The following ABCF1 variants were observed in gnomAD, a reference collection of about 807,000 sequenced individuals.
ABCF1 encodes the protein ATP-binding cassette sub-family F member 1.
A neutral mutation model predicts 126.3 loss-of-function variants in ABCF1; 73 were observed. The observed-to-expected ratio is 0.58, with a 90% CI of 0.48 to 0.70. ABCF1 has a LOEUF of 0.70. Ranked by LOEUF, ABCF1 falls within the 30% of genes least tolerant of loss-of-function variation. ABCF1 has a pLI of 0.00. For missense variants in ABCF1, 786 were observed against 1,057.5 expected (o/e 0.74, Z 3.56); for synonymous variants, 345 against 396.4 (o/e 0.87, Z 1.54).
At chr6:30,576,274 C>CT (rs1235123074) in intron 1 of ABCF1, among the ~76,000 whole-genome samples, 1 of 67,094 alleles carries the variant, frequency 1.5e-5, no homozygotes, top group Non-Finnish European at 2.8e-5. Context: ...TCTCTGAGTG[C>CT]TCTTTTTTTT....
At chr6:30,580,370 A>G in intron 7 of ABCF1, 36 bp from the exon 8 acceptor site, 1 of 1,389,548 alleles carries the variant, frequency 7.2e-7, no homozygotes, top group Non-Finnish European at 9.6e-7. Context: ...GAAAAAAAAA[A>G]AAAACATTTC....
Position 30,579,955 on chromosome 6 carries a change from G to A in ABCF1, c.514G>A (p.Ala172Thr). Reference protein sequence around the residue: ...NKAVSEEQQPALKGKKGKEEK... With the variant: ...NKAVSEEQQPTLKGKKGKEEK... ...GGCCGTATCTGAGGAACAGCAGCCTGCACTCAAGGGCAAAAAGGGAAAGGA... is the reference window on the plus strand; with the variant it reads ...GGCCGTATCTGAGGAACAGCAGCCTACACTCAAGGGCAAAAAGGGAAAGGA... Residue 172 changes from alanine to threonine, a missense_variant, in exon 7 of 25, where the codon GCA becomes ACA. Around this residue, in one of 4 missense-constraint regions of ABCF1, gnomAD observed 322 missense variants for 322.9 expected, o/e 1.00. Transcript: ENST00000326195. 1 of 1,612,860 alleles carries A rather than the reference G, an allele frequency of 6.2e-7. No homozygotes were observed. Among genetic ancestry groups the A allele is most frequent in the Non-Finnish European group, 8.5e-7 (1 of 1,179,940 alleles).
chr6:30,583,912 G>C lies in ABCF1; in HGVS notation c.1102+22G>C, dbSNP rs1325023241. On this transcript the variant is annotated intron_variant, in intron 12 of 24. Transcript: ENST00000326195. The surrounding 1 kb of genome is among the most constrained non-coding windows in gnomAD (Gnocchi z 4.1). ...CAGGGTGAGACCACTGGGGAGAAAAGGGGCTTGGTGGGGTGGGCAGTTGGG... is the reference window on the plus strand; with the variant it reads ...CAGGGTGAGACCACTGGGGAGAAAACGGGCTTGGTGGGGTGGGCAGTTGGG... The C allele has an allele frequency of 1.2e-6, 2 of 1,610,530 alleles. No individual in the cohort carries two copies. The highest frequency in any genetic ancestry group is 1.7e-5 in the Admixed American group (1 of 59,952).
At chr6:30,581,674 A>G (rs1256236496) in intron 8 of ABCF1, among the ~76,000 whole-genome samples, 1 of 151,924 alleles carries the variant, frequency 6.6e-6, no homozygotes, top group African/African-American at 2.4e-5. Flanking sequence ...AAGTGCTGGG[A>G]TTACAGACAT....
chr6:30,590,593 G>T lies in ABCF1; in HGVS notation c.2430G>T (p.Trp810Cys), dbSNP rs1802396668. The T allele has an allele frequency of 6.2e-7, 1 of 1,612,922 alleles. No individual in the cohort carries two copies. The highest frequency in any genetic ancestry group is 1.3e-5 in the African/African-American group (1 of 74,920). ...TCACAGAAACCAATTGCCAGCTGTG[G>T]GTGGTGGAGGAGCAGAGTGTTAGCC... ...RLITETNCQL[W>C]VVEEQSVSQI... The change falls in exon 25 of 25, where the codon TGG (tryptophan) becomes TGT (cysteine). Residue 810 changes from tryptophan (W) to cysteine (C), a missense_variant. Transcript: ENST00000326195.
In ABCF1 at chr6:30,586,963, T is replaced by C. The variant is rs748201236; in HGVS notation, c.2031+252T>C. ...TTGGTTATACAAGAAATATATGTCT[T>C]TTATAGAACGATTAAAAATTGCATA... On this transcript the variant is annotated intron_variant, in intron 20 of 24. Coordinates refer to ENST00000326195, the MANE Select transcript of ABCF1 (RefSeq NM_001025091.2). This position sits in a 1 kb window ranked among gnomAD's most constrained non-coding sequence, Gnocchi z 4.9. 2.6e-5 allele frequency among the ~76,000 whole-genome samples: 4 copies of C among 152,094 alleles called. No individual in the cohort carries two copies. Among genetic ancestry groups the C allele is most frequent in the Non-Finnish European group, 4.4e-5 (3 of 68,004 alleles).
chr6:30,573,897 A>G (rs1801371762), intron 1 of ABCF1, among the ~76,000 whole-genome samples: 1 of 152,232 alleles, frequency 6.6e-6, no homozygotes, highest in South Asian at 2.1e-4. Context: ...CCCAATGAGG[A>G]CAAGAATACG....
chr6:30,589,634 C>T (rs1184531128), intron 20 of ABCF1, 54 bp from the exon 21 acceptor site: 3 of 1,581,608 alleles, frequency 1.9e-6, no homozygotes, highest in Non-Finnish European at 2.6e-6. Flanking sequence ...ATGTATGGAG[C>T]TGCAGCACCT....
Position 30,589,955 on chromosome 6 carries a change from C to T in ABCF1, c.2214C>T (p.Ile738=). 2.5e-6 allele frequency: 4 copies of T among 1,613,570 alleles called. No homozygotes were observed. The highest frequency in any genetic ancestry group is 3.4e-6 in the Non-Finnish European group (4 of 1,180,040). ...GCCTGGAGAGTCACGCCCACACCAT[C>T]CAGATCTGCAAACTCTCTGGTACCA... ...RFGLESHAHT[I]QICKLSGGQK... is the part of the protein sequence containing the mutation. The change falls in exon 22 of 25, where the codon ATC becomes ATT. Residue 738 remains isoleucine (I), a synonymous_variant. Coordinates refer to ENST00000326195, the MANE Select transcript of ABCF1 (RefSeq NM_001025091.2).
At chr6:30,582,053 T>G (rs1801842072) in intron 8 of ABCF1, among the ~76,000 whole-genome samples, 1 of 151,682 alleles carries the variant, frequency 6.6e-6, no homozygotes. Flanking sequence ...GTCCCTAGTT[T>G]TTTTTTGTTG....
chr6:30,584,168 G>A lies in ABCF1; in HGVS notation c.1103-24G>A, dbSNP rs1801983236. ...AGACTCTTGGCTCTTGAGGCTGCCT[G>A]ACTGTTCTCCCTCTGCCTCCCAGAG... is the stretch of plus-strand genomic sequence containing the variant. On this transcript the variant is annotated intron_variant, in intron 12 of 24. Coordinates refer to ENST00000326195, the MANE Select transcript of ABCF1 (RefSeq NM_001025091.2). The surrounding 1 kb of genome is among the most constrained non-coding windows in gnomAD (Gnocchi z 4.6). 1 of 1,601,928 alleles carries A rather than the reference G, an allele frequency of 6.2e-7. No homozygotes were observed. The highest frequency in any genetic ancestry group is 1.1e-5 in the South Asian group (1 of 90,104).
In ABCF1 at chr6:30,586,356, T is replaced by C. The variant is rs372684893; in HGVS notation, c.1885+51T>C. The C allele has an allele frequency of 2.4e-5, 39 of 1,601,960 alleles. No individual in the cohort carries two copies. Among genetic ancestry groups the C allele is most frequent in the Non-Finnish European group, 3.2e-5 (38 of 1,173,168 alleles). ...CCACAGGAAGCACCGGAAGCATGTATGTGCACCCTAAATTCTCCACCAAGG... is the reference window on the plus strand; with the variant it reads ...CCACAGGAAGCACCGGAAGCATGTACGTGCACCCTAAATTCTCCACCAAGG... On this transcript the variant is annotated intron_variant, in intron 18 of 24. Coordinates refer to ENST00000326195, the MANE Select transcript of ABCF1 (RefSeq NM_001025091.2). The surrounding 1 kb of genome is among the most constrained non-coding windows in gnomAD (Gnocchi z 4.9).
chr6:30,584,243 C>G lies in ABCF1; in HGVS notation c.1154C>G (p.Thr385Ser). The change falls in exon 13 of 25, where the codon ACC (threonine) becomes AGC (serine). Residue 385 changes from threonine (T) to serine (S), a missense_variant. By Grantham distance (58) the Thr-to-Ser change is moderately conservative. Transcript: ENST00000326195. The surrounding 1 kb of genome is among the most constrained non-coding windows in gnomAD (Gnocchi z 4.6). ...GTCCAGGCTGTTCTTCGAGCTGACA[C>G]CAAGCGATTGAAGCTGCTGGAAGAG... ...PAVQAVLRAD[T>S]KRLKLLEEER... The G allele has an allele frequency of 6.2e-7, 1 of 1,613,076 alleles. No homozygotes were observed. The highest frequency in any genetic ancestry group is 8.5e-7 in the Non-Finnish European group (1 of 1,180,032).
chr6:30,585,129 C>T (rs1055786662), intron 14 of ABCF1, 131 bp from the exon 15 acceptor site: 11 of 839,706 alleles, frequency 1.3e-5, no homozygotes, highest in African/African-American at 5.0e-5. Context: ...GTATCCTGCC[C>T]GAGAACTTCT....
intron 16 of ABCF1, 65 bp from the exon 17 acceptor site, chr6:30,585,814 C>T: frequency 1.3e-6 from 2 of 1,550,138 alleles, no homozygotes; most frequent in East Asian, 2.3e-5. Flanking sequence ...CACCACCAGT[C>T]CCTGGTTGTC....
chr6:30,572,986 G>A (rs759419142), intron 1 of ABCF1, among the ~76,000 whole-genome samples: 2 of 152,196 alleles, frequency 1.3e-5, no homozygotes, highest in Admixed American at 6.5e-5. Flanking sequence ...ATGCCATTCC[G>A]AGGAGTTTAA....
chr6:30,581,308 C>T (rs1422530292), intron 8 of ABCF1, among the ~76,000 whole-genome samples: 1 of 151,798 alleles, frequency 6.6e-6, no homozygotes, highest in Admixed American at 6.6e-5. Flanking sequence ...AAGGAGGAGT[C>T]CGGAGATCTC....
chr6:30,585,508 C>A, intron 15 of ABCF1, 50 bp from the exon 16 acceptor site: 1 of 1,611,334 alleles, frequency 6.2e-7, no homozygotes, highest in Non-Finnish European at 8.5e-7. Context: ...CCTCTGAATT[C>A]TCTCTCACTT....
intron 8 of ABCF1, among the ~76,000 whole-genome samples, chr6:30,581,036 A>G (rs1479225817): frequency 6.6e-6 from 1 of 151,864 alleles, no homozygotes; most frequent in Non-Finnish European, 1.5e-5. Context: ...GCCACATACA[A>G]TCTCTATCAC....
Sources: allele counts gnomAD v4.1 joint callset (sites outside exome capture counted in the v4.1 genomes callset), GRCh38; gene constraint gnomAD v4.1.1; regional missense constraint gnomAD v4.1.1; non-coding constraint Gnocchi (gnomAD v3.1); transcripts MANE v1.5; gene names NCBI Gene and HGNC (gene_info 2026-07-23, HGNC 2026-07-21).